The following FHOD3 variants were observed in gnomAD, a reference collection of about 807,000 sequenced individuals.
FHOD3 encodes formin homology 2 domain containing 3.
Under a neutral mutation model 173.0 loss-of-function variants are expected in FHOD3, and 90 were observed. That is an observed-to-expected ratio of 0.52 (90% CI 0.44 to 0.62). The LOEUF is 0.62. FHOD3 is among the 20% of genes least tolerant of loss of function. FHOD3 has a pLI of 0.00. For missense variants in FHOD3, 1,945 were observed against 2,034.7 expected, an observed-to-expected ratio of 0.96 and a Z score of 0.85; for synonymous variants, 828 against 823.0, an observed-to-expected ratio of 1.01 and a Z score of -0.10.
chr18:36,542,267 C>T (rs904313360), intron 5 of FHOD3, among the ~76,000 whole-genome samples: 13 of 152,202 alleles, frequency 8.5e-5, no homozygotes, highest in African/African-American at 2.2e-4. Context: ...ATGATGTCCA[C>T]GGTTAATGTG....
At chr18:36,600,736 G>C (rs1334380398) in intron 7 of FHOD3, among the ~76,000 whole-genome samples, 1 of 152,138 alleles carries the variant, frequency 6.6e-6, no homozygotes, top group Non-Finnish European at 1.5e-5. Context: ...CTCTCTCTCT[G>C]GGCTGCCTGC....
intron 10 of FHOD3, among the ~76,000 whole-genome samples, chr18:36,631,713 G>T (rs2034526623): frequency 6.6e-6 from 1 of 152,190 alleles, no homozygotes; most frequent in Non-Finnish European, 1.5e-5. Context: ...ATATATGGTG[G>T]AGCTGGTTCT....
At chr18:36,467,791 G>A (rs2053031823) in intron 3 of FHOD3, among the ~76,000 whole-genome samples, 2 of 152,342 alleles carry the variant, frequency 1.3e-5, no homozygotes, top group Admixed American at 6.5e-5. Context: ...CCCTGCCACA[G>A]AGATGGGCTC....
intron 27 of FHOD3, among the ~76,000 whole-genome samples, chr18:36,761,989 C>T (rs1440482297): frequency 1.3e-5 from 2 of 151,806 alleles, no homozygotes; most frequent in African/African-American, 4.8e-5. Flanking sequence ...GAATATTGCG[C>T]CCACCAGACA....
intron 19 of FHOD3, among the ~76,000 whole-genome samples, chr18:36,720,105 A>G (rs1331889483): frequency 6.6e-6 from 1 of 152,090 alleles, no homozygotes; most frequent in African/African-American, 2.4e-5. Context: ...AAGTAGACCC[A>G]GCTTTTGTCC....
chr18:36,429,086 G>GT (rs1486051295), intron 3 of FHOD3, among the ~76,000 whole-genome samples: 2 of 152,200 alleles, frequency 1.3e-5, no homozygotes, highest in South Asian at 4.2e-4. Flanking sequence ...GTGGCAGCTT[G>GT]TGAACGGTCT....
intron 16 of FHOD3, among the ~76,000 whole-genome samples, chr18:36,688,974 C>T (rs776213770): frequency 1.3e-4 from 20 of 152,270 alleles, no homozygotes; most frequent in Non-Finnish European, 2.5e-4. Flanking sequence ...GCCCATCAGC[C>T]TGGACACAGG....
chr18:36,552,141 C>G (rs960860083), intron 5 of FHOD3, among the ~76,000 whole-genome samples: 1 of 152,134 alleles, frequency 6.6e-6, no homozygotes, highest in Non-Finnish European at 1.5e-5. Flanking sequence ...ATGGAATGTT[C>G]TTCCATTTGT....
intron 27 of FHOD3, among the ~76,000 whole-genome samples, chr18:36,768,281 A>G (rs2043228011): frequency 6.6e-6 from 1 of 152,390 alleles, no homozygotes; most frequent in Admixed American, 6.5e-5. Context: ...AGTTCTGGAT[A>G]TATTACATTA....
chr18:36,309,876 T>C (rs1220337156), intron 1 of FHOD3, among the ~76,000 whole-genome samples: 1 of 152,204 alleles, frequency 6.6e-6, no homozygotes. Flanking sequence ...CACTGGGACA[T>C]AGGTTAGCCT....
intron 14 of FHOD3, among the ~76,000 whole-genome samples, chr18:36,667,771 G>A (rs2037277487): frequency 6.6e-6 from 1 of 152,074 alleles, no homozygotes; most frequent in Admixed American, 6.5e-5. Context: ...TGTGTACTGA[G>A]GCTACACTAA....
intron 6 of FHOD3, 89 bp downstream of exon 6, chr18:36,576,634 T>G: frequency 8.2e-6 from 8 of 977,242 alleles, no homozygotes; most frequent in Non-Finnish European, 4.6e-6. Context: ...AGAAAGAAAT[T>G]TTATTCAGCT....
intron 6 of FHOD3, 41 bp downstream of exon 6, chr18:36,576,586 T>C (rs778228061): frequency 1.4e-6 from 2 of 1,477,896 alleles, no homozygotes; most frequent in South Asian, 2.4e-5. Context: ...TCACTTGTCA[T>C]ATCACTTGCC....
intron 3 of FHOD3, among the ~76,000 whole-genome samples, chr18:36,494,662 C>T (rs1266888459): frequency 6.6e-6 from 1 of 152,194 alleles, no homozygotes; most frequent in African/African-American, 2.4e-5. Context: ...ATCAGCAGTA[C>T]TTCTCCAGGA....
intron 2 of FHOD3, among the ~76,000 whole-genome samples, chr18:36,358,278 A>G (rs1040112078): frequency 1.3e-5 from 2 of 152,224 alleles, no homozygotes; most frequent in Non-Finnish European, 2.9e-5. Context: ...TCCTGCAAGG[A>G]CAATTGGTCC....
In FHOD3 at chr18:36,587,489, T is replaced by C. The variant is rs577063910; in HGVS notation, c.607-7298T>C. 3.9e-5 allele frequency among the ~76,000 whole-genome samples: 6 copies of C among 152,300 alleles called. No homozygotes were observed. The East Asian group carries it at 1.2e-3, about 29-fold the overall frequency. ...AACCTTCATCTAAGCCCCAGAATTT[T>C]ATCTCAATAGAGAAAATGCCAGCCA... On this transcript the variant is annotated intron_variant, in intron 6 of 28. Transcript: ENST00000590592.
intron 3 of FHOD3, among the ~76,000 whole-genome samples, chr18:36,488,706 A>T (rs1409714743): frequency 6.6e-6 from 1 of 152,130 alleles, no homozygotes; most frequent in East Asian, 1.9e-4. Context: ...TGGAATGTGT[A>T]TTTTAAATCC....
chr18:36,717,888 C>G lies in FHOD3; in HGVS notation c.2590C>G (p.Leu864Val), dbSNP rs1454466654. The change falls in exon 19 of 29, where the codon CTC becomes GTC. Residue 864 changes from leucine (L) to valine (V), a missense_variant. Physicochemically the swap from Leu to Val is conservative, Grantham distance 32. Coordinates refer to ENST00000590592, the MANE Select transcript of FHOD3 (RefSeq NM_001281740.3). The part of the protein sequence containing the change: ...AGVNGQCGDI[L>V]TNKRFMLDML... The stretch of plus-strand genomic sequence containing the variant: ...TGTAAATGGACAGTGTGGCGACATC[C>G]TCACCAACAAACGGTTCATGCTTGA... 1.9e-6 allele frequency: 3 copies of G among 1,611,860 alleles called. No homozygotes were observed. The highest frequency in any genetic ancestry group is 2.5e-6 in the Non-Finnish European group (3 of 1,178,864).
At chr18:36,717,784 T>C in intron 18 of FHOD3, 48 bp from the exon 19 acceptor site, 1 of 1,515,160 alleles carries the variant, frequency 6.6e-7, no homozygotes, top group South Asian at 1.4e-5. Flanking sequence ...CTCATGGAAG[T>C]GAGGCCCCCT....
Sources: gnomAD v4.1 joint callset for allele counts (sites outside exome capture counted in the v4.1 genomes callset) on GRCh38, gnomAD v4.1.1 for gene constraint, MANE v1.5 for transcripts, NCBI Gene and HGNC (gene_info 2026-07-23, HGNC 2026-07-21) for gene names.